Variants in AKT3 observed in about 807,000 individuals in gnomAD.
AKT3 encodes RAC-gamma serine/threonine-protein kinase.
In AKT3, 15 loss-of-function variants were observed where a neutral mutation model predicts 65.3. The ratio of observed to expected loss-of-function variants is 0.23; its 90% CI spans 0.15 to 0.35. The LOEUF (loss-of-function observed/expected upper bound fraction) is 0.35, where lower values mean the gene tolerates loss of function less well. AKT3 is among the 10% of genes least tolerant of loss of function. The probability of loss-of-function intolerance (pLI) is 1.00; values close to 1 mark genes in which losing one functional copy is unlikely to be tolerated. For missense variants in AKT3, 243 were observed against 576.5 expected (o/e 0.42, Z 5.92); for synonymous variants, 206 against 183.8 (o/e 1.12, Z -0.98).
At position 243,803,741 on chromosome 1, in the gene AKT3, G is replaced by A. The variant is rs150045773; in HGVS notation, c.46+39384C>T. On this transcript the variant is annotated intron_variant, in intron 2 of 13. Coordinates refer to ENST00000673466, the MANE Select transcript of AKT3 (RefSeq NM_005465.7). ...AAAATGTTAAAAGCCACTACTCCCC[G>A]ACAACTCATAACCACAGTGACCTCC... is the stretch of plus-strand genomic sequence containing the variant. Among the ~76,000 whole-genome samples, 10 of 150,604 alleles carry A rather than the reference G, an allele frequency of 6.6e-5. No individual in the cohort carries two copies. In the East Asian group the frequency reaches 1.4e-3, roughly 21 times the overall value.
chr1:243,814,525 G>T (rs1197352067), intron 2 of AKT3: 1 of 152,086 alleles, frequency 6.6e-6, no homozygotes, highest in Admixed American at 6.6e-5. Context: ...ACATATTCAT[G>T]AATATTCTTG....
chr1:243,494,572 GC>G (rs1667342296), intron 13 of AKT3, among the ~76,000 whole-genome samples: 1 of 152,090 alleles, frequency 6.6e-6, no homozygotes, highest in African/African-American at 2.4e-5. Context: ...TTGACTGAGC[GC>G]CCCGTGTATA....
intron 2 of AKT3, among the ~76,000 whole-genome samples, chr1:243,700,982 T>C (rs1211329031): frequency 2.0e-5 from 3 of 151,280 alleles, no homozygotes; most frequent in African/African-American, 7.4e-5. Context: ...ATTCACCTGA[T>C]AACAACAAAC....
chr1:243,532,304 G>T (rs1671594452), intron 12 of AKT3, among the ~76,000 whole-genome samples: 2 of 152,048 alleles, frequency 1.3e-5, no homozygotes, highest in African/African-American at 4.8e-5. Context: ...TTTCATATAT[G>T]ACCTTTATAA....
chr1:243,683,231 CAT>C (rs1444218264), intron 3 of AKT3, among the ~76,000 whole-genome samples: 1 of 152,036 alleles, frequency 6.6e-6, no homozygotes, highest in Non-Finnish European at 1.5e-5. Context: ...AATGAGAAAA[CAT>C]ATGTGAAAGG....
chr1:243,585,161 G>A (rs1396823602), intron 8 of AKT3, among the ~76,000 whole-genome samples: 1 of 151,854 alleles, frequency 6.6e-6, no homozygotes, highest in African/African-American at 2.4e-5. Flanking sequence ...AAAAAATCCA[G>A]GAATACATCT....
At chr1:243,495,186 G>A (rs972192063), downstream of AKT3, among the ~76,000 whole-genome samples, 6 of 152,326 alleles carry the variant, frequency 3.9e-5, no homozygotes, top group East Asian at 1.9e-4. Flanking sequence ...AGGTGGCACC[G>A]CAGAGCCAGG....
intron 4 of AKT3, among the ~76,000 whole-genome samples, chr1:243,664,121 T>C (rs1682592128): frequency 6.6e-6 from 1 of 151,780 alleles, no homozygotes; most frequent in Non-Finnish European, 1.5e-5. Context: ...AGCCTTGGAA[T>C]TTCAAGTATG....
At chr1:243,521,124 G>C (rs1670692763) in intron 12 of AKT3, among the ~76,000 whole-genome samples, 1 of 152,170 alleles carries the variant, frequency 6.6e-6, no homozygotes, top group African/African-American at 2.4e-5. Context: ...TTAAGAAATA[G>C]ACTGGAGAAC....
At chr1:243,611,638 G>T (rs1240780270) in intron 8 of AKT3, among the ~76,000 whole-genome samples, 1 of 151,826 alleles carries the variant, frequency 6.6e-6, no homozygotes, top group Non-Finnish European at 1.5e-5. Flanking sequence ...GAGCAGAGAT[G>T]GCACCACTAC....
chr1:243,639,124 C>T (rs951111312), intron 5 of AKT3, among the ~76,000 whole-genome samples: 3 of 152,094 alleles, frequency 2.0e-5, no homozygotes, highest in African/African-American at 7.2e-5. Context: ...AAAATTGACA[C>T]CTTTGATGAA....
chr1:243,721,876 A>C (rs1686935781), intron 2 of AKT3, among the ~76,000 whole-genome samples: 2 of 152,164 alleles, frequency 1.3e-5, no homozygotes, highest in African/African-American at 4.8e-5. Context: ...TACCCTACAG[A>C]TAACTTTTTT....
chr1:243,545,737 T>C (rs1390509525), intron 11 of AKT3, 140 bp from the exon 12 acceptor site: 1 of 601,790 alleles, frequency 1.7e-6, no homozygotes, highest in Non-Finnish European at 2.9e-6. Context: ...TAAAAAGCTT[T>C]TGCTATAAGA....
chr1:243,614,457 T>C (rs1390186717), intron 7 of AKT3, among the ~76,000 whole-genome samples: 11 of 152,164 alleles, frequency 7.2e-5, no homozygotes, highest in Non-Finnish European at 1.6e-4. Flanking sequence ...ATTATCCCTA[T>C]ATTACAAGGA....
At chr1:243,690,580 G>A (rs1462992802) in intron 3 of AKT3, among the ~76,000 whole-genome samples, 2 of 152,118 alleles carry the variant, frequency 1.3e-5, no homozygotes, top group Non-Finnish European at 2.9e-5. Context: ...TCCACCCAAA[G>A]AAGGGTGAAC....
At chr1:243,538,463 C>T (rs555608109) in intron 12 of AKT3, among the ~76,000 whole-genome samples, 2 of 150,546 alleles carry the variant, frequency 1.3e-5, no homozygotes, top group Non-Finnish European at 3.0e-5. Context: ...TAAATGAAAA[C>T]GGGCTACCCA....
intron 2 of AKT3, among the ~76,000 whole-genome samples, chr1:243,840,157 C>T (rs925436701): frequency 7.2e-5 from 11 of 151,962 alleles, no homozygotes; most frequent in African/African-American, 2.7e-4. Context: ...GGTGACAGAA[C>T]GAGACTCCGT....
At chr1:243,721,324 C>A (rs530387977) in intron 2 of AKT3, among the ~76,000 whole-genome samples, 42 of 152,264 alleles carry the variant, frequency 2.8e-4, no homozygotes, top group Middle Eastern at 6.8e-3. Flanking sequence ...CAAGAAGAAT[C>A]TGAACAGACA....
At chr1:243,658,033 C>A (rs543806105) in intron 4 of AKT3, among the ~76,000 whole-genome samples, 4 of 151,962 alleles carry the variant, frequency 2.6e-5, no homozygotes, top group Middle Eastern at 3.2e-3. Flanking sequence ...TAGGAAAAAA[C>A]CACAGGAGAA....
Sources: gnomAD v4.1 joint callset for allele counts (sites outside exome capture counted in the v4.1 genomes callset) on GRCh38, gnomAD v4.1.1 for gene constraint, MANE v1.5 for transcripts, NCBI Gene and HGNC (gene_info 2026-07-23, HGNC 2026-07-21) for gene names.